The following ARHGAP10 variants were observed in gnomAD, a reference collection of about 807,000 sequenced individuals.
ARHGAP10 encodes Rho GTPase activating protein 10, also known as rho GTPase-activating protein 10.
Under a neutral mutation model 108.6 loss-of-function variants are expected in ARHGAP10, and 87 were observed. That is an observed-to-expected ratio of 0.80 (90% confidence interval 0.67 to 0.96). ARHGAP10 has a LOEUF of 0.96. Among genes scored for constraint, ARHGAP10 ranks in the 40% least tolerant of loss-of-function variants. The pLI is 0.00. For synonymous variants in ARHGAP10, 347 were observed against 341.1 expected (o/e 1.02, Z -0.19); for missense variants, 939 against 954.5 (o/e 0.98, Z 0.21).
intron 20 of ARHGAP10, among the ~76,000 whole-genome samples, chr4:148,061,398 C>T (rs150113952): frequency 9.9e-4 from 151 of 152,214 alleles, no homozygotes; most frequent in African/African-American, 3.5e-3. Context: ...CCTGCCAGGG[C>T]TTCACTCACG....
At chr4:147,807,428 T>C (rs1393254185) in intron 1 of ARHGAP10, among the ~76,000 whole-genome samples, 1 of 152,096 alleles carries the variant, frequency 6.6e-6, no homozygotes, top group Non-Finnish European at 1.5e-5. Context: ...GAAGAACTTA[T>C]ATTCCAGAAT....
At chr4:147,912,108 C>T (rs1736768588) in intron 12 of ARHGAP10, among the ~76,000 whole-genome samples, 2 of 151,270 alleles carry the variant, frequency 1.3e-5, no homozygotes, top group South Asian at 4.2e-4. Flanking sequence ...GTCTAGATAG[C>T]TTCCCTTAGA....
intron 1 of ARHGAP10, among the ~76,000 whole-genome samples, chr4:147,736,416 C>A (rs942598340): frequency 2.6e-5 from 4 of 152,104 alleles, no homozygotes; most frequent in Non-Finnish European, 5.9e-5. Context: ...TTACATTAAA[C>A]CCACTGAGAT....
chr4:147,975,247 G>A (rs1486988256), intron 18 of ARHGAP10, among the ~76,000 whole-genome samples: 1 of 152,130 alleles, frequency 6.6e-6, no homozygotes, highest in Non-Finnish European at 1.5e-5. Context: ...GTCTTGCTTT[G>A]TTGAAATGGC....
At chr4:147,741,782 ACACACACACG>A (rs1312926168) in intron 1 of ARHGAP10, among the ~76,000 whole-genome samples, 690 of 36,430 alleles carry the variant, frequency 0.019, 7 homozygotes, top group African/African-American at 0.05. Context: ...ACACACACAC[ACACACACACG>A]CACACACACA....
At chr4:147,753,111 CAG>C (rs927736847) in intron 1 of ARHGAP10, among the ~76,000 whole-genome samples, 6 of 152,146 alleles carry the variant, frequency 3.9e-5, no homozygotes, top group Admixed American at 1.3e-4. Context: ...TAAAACATTT[CAG>C]AGTTTAGCCA....
chr4:147,874,630 C>T (rs59333422), intron 7 of ARHGAP10, among the ~76,000 whole-genome samples: 3,392 of 152,260 alleles, frequency 0.022, 87 homozygotes, highest in African/African-American at 0.063. Context: ...TTGATTGAGT[C>T]AGATTGGTTG....
At chr4:147,847,359 C>G in intron 4 of ARHGAP10, 137 bp downstream of exon 4, 1 of 802,638 alleles carries the variant, frequency 1.2e-6, no homozygotes, top group Non-Finnish European at 1.9e-6. Flanking sequence ...GTGCTTTTCC[C>G]CCTTTGGGGG....
chr4:147,874,384 C>T (rs539573351), intron 7 of ARHGAP10, among the ~76,000 whole-genome samples: 6 of 152,302 alleles, frequency 3.9e-5, no homozygotes, highest in Non-Finnish European at 7.3e-5. Context: ...GATATTGGCA[C>T]ACCAAGTGTC....
chr4:147,996,722 T>A (rs547981884), intron 18 of ARHGAP10, among the ~76,000 whole-genome samples: 1 of 152,334 alleles, frequency 6.6e-6, no homozygotes, highest in African/African-American at 2.4e-5. Flanking sequence ...AAGCCCTAAC[T>A]TTAACCATTG....
At chr4:147,923,136 T>C (rs367686826) in intron 13 of ARHGAP10, among the ~76,000 whole-genome samples, 90 of 152,354 alleles carry the variant, frequency 5.9e-4, no homozygotes, top group African/African-American at 2.1e-3. Context: ...ATTGGTACTT[T>C]CACATAACAT....
At chr4:147,857,678 A>G in intron 5 of ARHGAP10, 24 bp downstream of exon 5, 2 of 1,415,636 alleles carry the variant, frequency 1.4e-6, no homozygotes, top group Non-Finnish European at 1.9e-6. Context: ...TTTTTCTGTT[A>G]CGTTTTCAAA....
At chr4:147,862,325 T>A (rs1041588495) in intron 5 of ARHGAP10, 3 of 152,578 alleles carry the variant, frequency 2.0e-5, no homozygotes, top group Admixed American at 1.3e-4. Context: ...GAGCAGGCAC[T>A]TCTTGAGCCT....
chr4:147,877,397 T>C (rs1735117752), intron 8 of ARHGAP10, among the ~76,000 whole-genome samples: 1 of 152,198 alleles, frequency 6.6e-6, no homozygotes. Context: ...ACCCTTTTCA[T>C]CTATTACCCC....
At chr4:148,016,241 T>A (rs1254786026) in intron 18 of ARHGAP10, among the ~76,000 whole-genome samples, 1 of 152,198 alleles carries the variant, frequency 6.6e-6, no homozygotes, top group Non-Finnish European at 1.5e-5. Flanking sequence ...CAGTGACTCA[T>A]ACCTGTAATC....
intron 18 of ARHGAP10, among the ~76,000 whole-genome samples, chr4:147,975,935 G>A (rs1028506215): frequency 1.3e-5 from 2 of 152,134 alleles, no homozygotes; most frequent in Admixed American, 1.3e-4. Flanking sequence ...TCTTTGCCAC[G>A]ATCAGTAGAA....
chr4:147,817,900 C>T (rs563877745), intron 1 of ARHGAP10, among the ~76,000 whole-genome samples: 30 of 152,296 alleles, frequency 2.0e-4, no homozygotes, highest in African/African-American at 6.5e-4. Flanking sequence ...AATGATTTTT[C>T]CATTTAATTG....
At chr4:147,941,041 C>T (rs1738148410) in intron 14 of ARHGAP10, among the ~76,000 whole-genome samples, 2 of 152,112 alleles carry the variant, frequency 1.3e-5, no homozygotes, top group African/African-American at 2.4e-5. Flanking sequence ...ACTCAGGTTG[C>T]CAGTGGTTCA....
chr4:147,901,774 G>C (rs1345119596), intron 10 of ARHGAP10, among the ~76,000 whole-genome samples: 2 of 152,088 alleles, frequency 1.3e-5, no homozygotes, highest in Non-Finnish European at 2.9e-5. Context: ...CTGTGTTTTA[G>C]GTTACTAGAA....
Sources: allele counts gnomAD v4.1 joint callset (sites outside exome capture counted in the v4.1 genomes callset), GRCh38; gene constraint gnomAD v4.1.1; transcripts MANE v1.5; gene names NCBI Gene and HGNC (gene_info 2026-07-23, HGNC 2026-07-21).